DLGAP2: variants seen among roughly 807,000 people sequenced by gnomAD.
The protein encoded by DLGAP2 is disks large-associated protein 2.
A neutral mutation model predicts 100.3 loss-of-function variants in DLGAP2; 26 were observed. The observed-to-expected ratio is 0.26, with a 90% CI of 0.19 to 0.36. DLGAP2 has a LOEUF of 0.36. Among genes scored for constraint, DLGAP2 ranks in the 10% least tolerant of loss-of-function variants. The pLI, the probability that DLGAP2 is intolerant of heterozygous loss-of-function variation, is 1.00. For missense variants in DLGAP2, 1,858 were observed against 1,453.2 expected (o/e 1.28, Z -4.53); for synonymous variants, 886 against 630.1 (o/e 1.41, Z -6.08).
In DLGAP2 at chr8:773,210, G is replaced by T. The variant is rs1821413795; in HGVS notation, c.18+35385G>T. Among the ~76,000 whole-genome samples the T allele has an allele frequency of 2.0e-5, 3 of 152,144 alleles. No homozygotes were observed. The South Asian group carries it at 6.2e-4, about 31-fold the overall frequency. On this transcript the variant is annotated intron_variant, in intron 1 of 14. Transcript: ENST00000637795. ...TTCTGCAAAGGCCTCTTTCTTTGGT[G>T]GGCAGACAGCTGATTTCTCACAGTG...
intron 1 of DLGAP2, among the ~76,000 whole-genome samples, chr8:824,373 G>A (rs1037955688): frequency 5.6e-4 from 85 of 152,048 alleles, no homozygotes; most frequent in African/African-American, 1.9e-3. Context: ...CACCATGCCC[G>A]GGCACATTCC....
In DLGAP2 at chr8:1,549,356, C is replaced by T. The variant is rs1325317415; in HGVS notation, c.903C>T (p.Asp301=). 1.2e-6 allele frequency: 2 copies of T among 1,613,456 alleles called. No homozygotes were observed. Among genetic ancestry groups the T allele is most frequent in the Admixed American group, 1.7e-5 (1 of 60,020 alleles). ...TGAGCAGCTGGTGGAGCTCGGACGA[C>T]AACCTGGACAGCGACAGCACCTATC... ...PGMSSWWSSD[D]NLDSDSTYRT... The change falls in exon 5 of 15, where the codon GAC becomes GAT. Residue 301 remains aspartate (D), a synonymous_variant. Transcript: ENST00000637795.
At chr8:1,081,413 G>A (rs60012204) in intron 2 of DLGAP2, among the ~76,000 whole-genome samples, 2,492 of 152,262 alleles carry the variant, frequency 0.016, 63 homozygotes, top group African/African-American at 0.057. Context: ...GTGCAGTGGC[G>A]CAGCCTTGGC....
chr8:1,051,524 C>T (rs1218464390), intron 2 of DLGAP2, among the ~76,000 whole-genome samples: 2 of 152,154 alleles, frequency 1.3e-5, no homozygotes, highest in Non-Finnish European at 2.9e-5. Context: ...AGATGACATA[C>T]GCAGAGTATT....
At chr8:834,853 A>C (rs1329668028) in intron 1 of DLGAP2, among the ~76,000 whole-genome samples, 1 of 152,224 alleles carries the variant, frequency 6.6e-6, no homozygotes, top group Non-Finnish European at 1.5e-5. Flanking sequence ...CTGTGAACCT[A>C]CAATAAAGGT....
At position 1,548,473 on chromosome 8, in the gene DLGAP2, A is replaced by C. The variant is rs1168775391; in HGVS notation, c.173-153A>C. Among the ~76,000 whole-genome samples the C allele has an allele frequency of 2.7e-5, 4 of 150,008 alleles. No homozygotes were observed. The East Asian group carries it at 7.8e-4, about 29-fold the overall frequency. On this transcript the variant is annotated intron_variant, in intron 4 of 14. Coordinates refer to ENST00000637795, the MANE Select transcript of DLGAP2 (RefSeq NM_001346810.2). ...GACTGTCTCAGAAAAAAAAAAAAAAAAAAAAAAAAAACCCACAAATCTGCC... is the reference window on the plus strand; with the variant it reads ...GACTGTCTCAGAAAAAAAAAAAAAACAAAAAAAAAAACCCACAAATCTGCC...
chr8:1,263,379 G>A (rs1392257264), intron 3 of DLGAP2, among the ~76,000 whole-genome samples: 1 of 152,138 alleles, frequency 6.6e-6, no homozygotes, highest in Non-Finnish European at 1.5e-5. Flanking sequence ...CAATCTGCAT[G>A]CTGCCCTTGG....
At chr8:1,411,879 C>T (rs1796740337) in intron 3 of DLGAP2, among the ~76,000 whole-genome samples, 1 of 152,140 alleles carries the variant, frequency 6.6e-6, no homozygotes, top group African/African-American at 2.4e-5. Flanking sequence ...GTGCGGCACA[C>T]TCATCCAGGC....
chr8:1,187,471 A>G (rs144556550), intron 2 of DLGAP2, among the ~76,000 whole-genome samples: 15,017 of 65,462 alleles, frequency 0.23, 1,321 homozygotes, highest in Middle Eastern at 0.34. Context: ...CCTCCGTGAC[A>G]TTTGCCTCAC....
At chr8:780,034 A>T (rs1402504797) in intron 1 of DLGAP2, among the ~76,000 whole-genome samples, 1 of 152,162 alleles carries the variant, frequency 6.6e-6, no homozygotes, top group Non-Finnish European at 1.5e-5. Flanking sequence ...TCTATTCTAG[A>T]GATTTTGAAA....
chr8:809,330 C>G (rs150618657), intron 1 of DLGAP2, among the ~76,000 whole-genome samples: 2 of 152,222 alleles, frequency 1.3e-5, no homozygotes, highest in African/African-American at 4.8e-5. Flanking sequence ...GGTTCTTTCT[C>G]ACTATTTGAA....
At chr8:1,363,320 C>G (rs78866869) in intron 3 of DLGAP2, among the ~76,000 whole-genome samples, 8,815 of 152,100 alleles carry the variant, frequency 0.058, 380 homozygotes, top group East Asian at 0.16. Context: ...GGTCCCACGC[C>G]CGTGGCATGC....
At chr8:1,538,733 C>A (rs368078045) in intron 4 of DLGAP2, among the ~76,000 whole-genome samples, 18 of 152,086 alleles carry the variant, frequency 1.2e-4, no homozygotes, top group African/African-American at 4.1e-4. Flanking sequence ...AGGCAAAGCC[C>A]CAGGGTGCAG....
At chr8:1,673,804 A>G (rs1009723951) in intron 10 of DLGAP2, among the ~76,000 whole-genome samples, 2 of 152,214 alleles carry the variant, frequency 1.3e-5, no homozygotes, top group East Asian at 3.8e-4. Context: ...CCAGCTCCAA[A>G]AACTGTATTT....
chr8:1,280,624 G>T (rs570566300), intron 3 of DLGAP2, among the ~76,000 whole-genome samples: 3 of 152,328 alleles, frequency 2.0e-5, no homozygotes, highest in African/African-American at 7.2e-5. Flanking sequence ...GTTCAATGAA[G>T]AATGGGAAGA....
intron 6 of DLGAP2, among the ~76,000 whole-genome samples, chr8:1,606,848 T>G (rs1796816330): frequency 6.6e-6 from 1 of 152,126 alleles, no homozygotes; most frequent in African/African-American, 2.4e-5. Context: ...CACACCCAGC[T>G]AAGTTTTTGT....
At chr8:1,285,180 G>A (rs1799897320) in intron 3 of DLGAP2, among the ~76,000 whole-genome samples, 1 of 152,156 alleles carries the variant, frequency 6.6e-6, no homozygotes, top group Admixed American at 6.6e-5. Flanking sequence ...GTGTTCTGTT[G>A]TGTTGGTCAC....
chr8:1,598,128 G>A (rs1324955570), intron 6 of DLGAP2, among the ~76,000 whole-genome samples: 1 of 152,160 alleles, frequency 6.6e-6, no homozygotes, highest in South Asian at 2.1e-4. Flanking sequence ...TAATCATGTG[G>A]TTTTTGTCAT....
At chr8:1,458,708 A>T (rs987277159) in intron 3 of DLGAP2, among the ~76,000 whole-genome samples, 1 of 152,232 alleles carries the variant, frequency 6.6e-6, no homozygotes, top group African/African-American at 2.4e-5. Context: ...TCCCTGGGGA[A>T]GACAGGGTTT....
Sources: allele counts gnomAD v4.1 joint callset (sites outside exome capture counted in the v4.1 genomes callset), GRCh38; gene constraint gnomAD v4.1.1; transcripts MANE v1.5; gene names NCBI Gene and HGNC (gene_info 2026-07-23, HGNC 2026-07-21).